BID: variants seen among roughly 807,000 people sequenced by gnomAD.
BID encodes BH3-interacting domain death agonist.
In BID, 19 loss-of-function variants were observed where a neutral mutation model predicts 17.4. The ratio of observed to expected loss-of-function variants is 1.09; its 90% confidence interval spans 0.76 to 1.60. BID has a LOEUF of 1.60. Among genes scored for constraint, BID ranks in the 40% most tolerant of loss-of-function variants. The pLI, the probability that BID is intolerant of heterozygous loss-of-function variation, is 0.00. For synonymous variants in BID, 108 were observed against 102.8 expected, an observed-to-expected ratio of 1.05 and a Z score of -0.31; for missense variants, 226 against 256.0, an observed-to-expected ratio of 0.88 and a Z score of 0.80.
chr22:17,750,902 A>AT (rs1372300637), intron 1 of BID, among the ~76,000 whole-genome samples: 1 of 151,968 alleles, frequency 6.6e-6, no homozygotes, highest in Admixed American at 6.6e-5. Flanking sequence ...AGGTGTGGTG[A>AT]TGCAAGCCCT....
intron 1 of BID, among the ~76,000 whole-genome samples, chr22:17,759,467 G>C (rs557656735): frequency 6.7e-6 from 1 of 149,482 alleles, no homozygotes; most frequent in Non-Finnish European, 1.5e-5. Context: ...CAGGAGAATC[G>C]CTTAAACCCA....
chr22:17,737,951 C>G, intron 5 of BID, 66 bp downstream of exon 5: 1 of 1,573,728 alleles, frequency 6.4e-7, no homozygotes, highest in South Asian at 1.1e-5. Flanking sequence ...CGCTGGGCTT[C>G]TCAACCTTCC....
At position 17,750,144 on chromosome 22, in the gene BID, C is replaced by T. The variant is rs757568578; in HGVS notation, c.-28G>A. The T allele has an allele frequency of 6.2e-7, 1 of 1,613,332 alleles. No homozygotes were observed. Among genetic ancestry groups the T allele is most frequent in the Non-Finnish European group, 8.5e-7 (1 of 1,179,910 alleles). On this transcript the variant is annotated 5_prime_UTR_variant, in exon 2 of 6. Coordinates refer to ENST00000622694, the MANE Select transcript of BID (RefSeq NM_001196.4). Reference sequence around the variant, plus strand: ...CCTGGGCAGCGCGGCAGCTCCGACTCACTCCTGGTTCACAGTGTCCCAGTG... The same window carrying T: ...CCTGGGCAGCGCGGCAGCTCCGACTTACTCCTGGTTCACAGTGTCCCAGTG...
In BID at chr22:17,739,629, C is replaced by T. The variant is rs565611601; in HGVS notation, c.224-141G>A. On this transcript the variant is annotated intron_variant, in intron 3 of 5. Transcript: ENST00000622694. ...CCCACTGGGCACGTGCTCCACTCCA[C>T]CAGGGCCACAGCGGGCGGGCTGAGT... 3.7e-5 allele frequency: 42 copies of T among 1,146,522 alleles called. 1 individual carries two copies. Among genetic ancestry groups the T allele is most frequent in the Admixed American group, 2.5e-4 (10 of 40,762 alleles). The allele number at this position is 1,146,522 out of a possible 1,614,324, so 71.0% of individuals were successfully genotyped here. A position where few individuals can be genotyped will look rare whatever the true frequency, so the allele number is the denominator to read the frequency against.
At position 17,753,570 on chromosome 22, in the gene BID, A is replaced by G. The variant is rs578217123; in HGVS notation, c.-58-3396T>C. On this transcript the variant is annotated intron_variant, in intron 1 of 5. Coordinates refer to ENST00000622694, the MANE Select transcript of BID (RefSeq NM_001196.4). ...CATTTGTCACTTAAGAAGAAATCCA[A>G]TGAGTCAACTGCAGCTGTGAGTGGG... is the stretch of plus-strand genomic sequence containing the variant. Among the ~76,000 whole-genome samples the G allele has an allele frequency of 6.6e-5, 10 of 152,320 alleles. No homozygotes were observed. The East Asian group carries it at 9.7e-4, about 15-fold the overall frequency.
At chr22:17,735,900 G>A (rs1353769052) in intron 5 of BID, among the ~76,000 whole-genome samples, 1 of 152,192 alleles carries the variant, frequency 6.6e-6, no homozygotes, top group African/African-American at 2.4e-5. Context: ...ACAGACTGCT[G>A]CACACGTCTT....
intron 5 of BID, among the ~76,000 whole-genome samples, chr22:17,736,051 A>G (rs1377972689): frequency 2.0e-5 from 3 of 152,252 alleles, no homozygotes. Context: ...AAATGCTTGT[A>G]TAACTGAAGA....
At chr22:17,771,187 C>A (rs1218364780) in intron 1 of BID, among the ~76,000 whole-genome samples, 1 of 152,250 alleles carries the variant, frequency 6.6e-6, no homozygotes, top group Non-Finnish European at 1.5e-5. Flanking sequence ...GCAAGCTCCA[C>A]CTCCCGGGTT....
intron 1 of BID, among the ~76,000 whole-genome samples, chr22:17,756,872 C>T (rs146714567): frequency 2.0e-5 from 3 of 152,216 alleles, no homozygotes; most frequent in South Asian, 2.1e-4. Context: ...CTATGCCGGC[C>T]GCAAAGGATT....
intron 2 of BID, among the ~76,000 whole-genome samples, chr22:17,746,884 G>A (rs1477630704): frequency 6.6e-6 from 1 of 152,156 alleles, no homozygotes; most frequent in Non-Finnish European, 1.5e-5. Context: ...GTTGTTTAAA[G>A]CCACTCTCCT....
At chr22:17,738,607 G>C (rs1569037435) in intron 4 of BID, among the ~76,000 whole-genome samples, 1 of 152,116 alleles carries the variant, frequency 6.6e-6, no homozygotes, top group Non-Finnish European at 1.5e-5. Context: ...GGGGTTCCTG[G>C]GGGACACTAG....
chr22:17,739,528 GA>G, intron 3 of BID, 40 bp from the exon 4 acceptor site: 1 of 1,590,168 alleles, frequency 6.3e-7, no homozygotes. Context: ...AGCAGACTCA[GA>G]AAATGTCCCT....
chr22:17,747,930 G>A (rs1028355382), intron 2 of BID, among the ~76,000 whole-genome samples: 6 of 151,966 alleles, frequency 3.9e-5, no homozygotes, highest in African/African-American at 1.4e-4. Flanking sequence ...ACAAAAATTA[G>A]CCAGGTGCGG....
rs2061745214 is a variant in BID at position 17,774,405 on chromosome 22, G to A, written c.-83C>T. 4.0e-6 allele frequency: 1 copy of A among 250,372 alleles called. No individual in the cohort carries two copies. The highest frequency in any genetic ancestry group is 3.5e-5 in the South Asian group (1 of 28,934). The allele number at this position is 250,372 out of a possible 1,614,324, so 15.5% of individuals were successfully genotyped here. On this transcript the variant is annotated 5_prime_UTR_variant, in exon 1 of 6. Coordinates refer to ENST00000622694, the MANE Select transcript of BID (RefSeq NM_001196.4). ...CCACCCTCCAGCCGCGGGGGCGCGG[G>A]CGCGTCCGGGCCGAGGCAGCGTCTC...
chr22:17,737,398 G>C (rs2061427926), intron 5 of BID, among the ~76,000 whole-genome samples: 1 of 152,006 alleles, frequency 6.6e-6, no homozygotes, highest in African/African-American at 2.4e-5. Flanking sequence ...CCAGGCTAAA[G>C]TGCAGTGGTG....
chr22:17,739,565 C>T, intron 3 of BID, 77 bp from the exon 4 acceptor site: 1 of 1,538,916 alleles, frequency 6.5e-7, no homozygotes. Flanking sequence ...ACCACCCTGC[C>T]CCGGGAAAGG....
chr22:17,745,119 C>T (rs982841806), intron 2 of BID, among the ~76,000 whole-genome samples: 1 of 151,882 alleles, frequency 6.6e-6, no homozygotes, highest in African/African-American at 2.4e-5. Context: ...GGTGTGATCT[C>T]GGCTCACTAC....
In BID at chr22:17,774,398, G is replaced by C. The variant is rs894571643; in HGVS notation, c.-76C>G. The C allele has an allele frequency of 8.3e-6, 2 of 241,490 alleles. No homozygotes were observed. Among genetic ancestry groups the C allele is most frequent in the Non-Finnish European group, 1.8e-5 (2 of 111,782 alleles). 15.0% of individuals were successfully genotyped at this position (241,490 alleles called of 1,614,324 possible). Reference sequence around the variant, plus strand: ...GCACTCACCACCCTCCAGCCGCGGGGGCGCGGGCGCGTCCGGGCCGAGGCA... The same window carrying C: ...GCACTCACCACCCTCCAGCCGCGGGCGCGCGGGCGCGTCCGGGCCGAGGCA... On this transcript the variant is annotated 5_prime_UTR_variant, in exon 1 of 6. Transcript: ENST00000622694.
chr22:17,748,386 T>C (rs568864893), intron 2 of BID, among the ~76,000 whole-genome samples: 2 of 149,756 alleles, frequency 1.3e-5, no homozygotes, highest in African/African-American at 4.9e-5. Context: ...CGGGCGCCTG[T>C]AGTCCCAGCT....
Sources: gnomAD v4.1 joint callset for allele counts (sites outside exome capture counted in the v4.1 genomes callset) on GRCh38, gnomAD v4.1.1 for gene constraint, MANE v1.5 for transcripts, NCBI Gene and HGNC (gene_info 2026-07-23, HGNC 2026-07-21) for gene names.